SYDE1: variants seen among roughly 807,000 people sequenced by gnomAD.
SYDE1 encodes rho GTPase-activating protein SYDE1.
A neutral mutation model predicts 63.3 loss-of-function variants in SYDE1; 34 were observed. The observed-to-expected ratio is 0.54, with a 90% CI of 0.41 to 0.71. The LOEUF is 0.71. Ranked by LOEUF, SYDE1 falls within the 30% of genes least tolerant of loss-of-function variation. The pLI is 0.00. For synonymous variants in SYDE1, 467 were observed against 473.4 expected (o/e 0.99, Z 0.18); for missense variants, 925 against 1,042.5 (o/e 0.89, Z 1.55).
At position 15,113,621 on chromosome 19, in the gene SYDE1, A is replaced by T. The variant is rs780311396; in HGVS notation, c.1866A>T (p.Pro622=). ...CTTACTTGCGACCCAAACGACAGCC[A>T]CCTCTGCACCTGCCGCTGGCAGACC... ...VAPYLRPKRQ[P]PLHLPLADPE... Residue 622 remains proline (P), a synonymous_variant, in exon 8 of 8, where the codon CCA becomes CCT. Transcript: ENST00000342784. 2.5e-6 allele frequency: 4 copies of T among 1,601,802 alleles called. No individual in the cohort carries two copies. Among genetic ancestry groups the T allele is most frequent in the Non-Finnish European group, 3.4e-6 (4 of 1,173,624 alleles).
In SYDE1 at chr19:15,113,691, C is replaced by T; in HGVS notation, c.1936C>T (p.Pro646Ser). 2.5e-6 allele frequency: 4 copies of T among 1,613,412 alleles called. No individual in the cohort carries two copies. The highest frequency in any genetic ancestry group is 3.4e-6 in the Non-Finnish European group (4 of 1,179,836). ...CCGCGGTCGAGGAGGCCCCGAAAGC[C>T]CCCCGAGCAACCGCTACGCCGGCGA... Reference protein sequence around the residue: ...RPRGRGGPESPPSNRYAGDWS... With the variant: ...RPRGRGGPESSPSNRYAGDWS... The change falls in exon 8 of 8, where the codon CCC (proline) becomes TCC (serine). Residue 646 changes from proline (P) to serine (S), a missense_variant. Around this residue, in one of 3 missense-constraint regions of SYDE1, gnomAD observed 255 missense variants for 255.9 expected, o/e 1.00. Coordinates refer to ENST00000342784, the MANE Select transcript of SYDE1 (RefSeq NM_033025.6).
At chr19:15,107,821 G>A (rs902569574) in intron 1 of SYDE1, among the ~76,000 whole-genome samples, 1 of 152,080 alleles carries the variant, frequency 6.6e-6, no homozygotes, top group Non-Finnish European at 1.5e-5. Context: ...AGGGCCTGGA[G>A]GGTGGAGGGG....
Position 15,109,289 on chromosome 19 carries a change from G to C in SYDE1, c.322G>C (p.Gly108Arg). ...PGVPGTGEPA[G>R]EIWYNPIPEE... ...GGTACCTGGCACTGGGGAGCCCGCC[G>C]GCGAGATCTGGTACAACCCCATCCC... The change falls in exon 2 of 8, where the codon GGC (glycine) becomes CGC (arginine). Residue 108 changes from glycine (G) to arginine (R), a missense_variant. Gly to Arg is a moderately radical substitution (Grantham distance 125). This residue lies in a region of SYDE1 where 599 missense variants were observed against 653.7 expected (regional missense o/e 0.92). Coordinates refer to ENST00000342784, the MANE Select transcript of SYDE1 (RefSeq NM_033025.6). The surrounding 1 kb of genome is among the most constrained non-coding windows in gnomAD (Gnocchi z 5.0). 1 of 1,613,378 alleles carries C rather than the reference G, an allele frequency of 6.2e-7. No individual in the cohort carries two copies. Among genetic ancestry groups the C allele is most frequent in the South Asian group, 1.1e-5 (1 of 90,972 alleles).
intron 7 of SYDE1, among the ~76,000 whole-genome samples, chr19:15,113,092 C>T (rs1000351539): frequency 1.3e-5 from 2 of 152,152 alleles, no homozygotes; most frequent in East Asian, 3.9e-4. Flanking sequence ...TTAAGTAGAG[C>T]AGGGTTTCAC....
At position 15,113,986 on chromosome 19, in the gene SYDE1, C is replaced by T. The variant is rs200656174; in HGVS notation, c.*23C>T. ...TGAGCCAGATGACGGGGTGGGACCC[C>T]GGTTAGTAAGGACCGGGCGCCCAGT... On this transcript the variant is annotated 3_prime_UTR_variant, in exon 8 of 8. Transcript: ENST00000342784. The T allele has an allele frequency of 5.6e-6, 9 of 1,598,240 alleles. No homozygotes were observed. Among genetic ancestry groups the T allele is most frequent in the Non-Finnish European group, 7.7e-6 (9 of 1,170,520 alleles).
rs373818257 is a variant in SYDE1 at position 15,110,502 on chromosome 19, G to A, written c.1076-19G>A. The A allele has an allele frequency of 2.5e-4, 394 of 1,554,792 alleles. No individual in the cohort carries two copies. The highest frequency in any genetic ancestry group is 3.2e-4 in the Non-Finnish European group (364 of 1,152,042). Reference sequence around the variant, plus strand: ...GAAGCTTCAGAGCACACCCGGCTCAGGCCCCCTTGTGTCCTCAGGGTGCCA... The same window carrying A: ...GAAGCTTCAGAGCACACCCGGCTCAAGCCCCCTTGTGTCCTCAGGGTGCCA... On this transcript the variant is annotated intron_variant, in intron 3 of 7. Transcript: ENST00000342784. This position sits in a 1 kb window ranked among gnomAD's most constrained non-coding sequence, Gnocchi z 6.9.
Position 15,113,904 on chromosome 19 carries a change from G to A in SYDE1, c.2149G>A (p.Asp717Asn). The change falls in exon 8 of 8, where the codon GAC becomes AAC. Residue 717 changes from aspartate (D) to asparagine (N), a missense_variant. Around this residue, in one of 3 missense-constraint regions of SYDE1, gnomAD observed 255 missense variants for 255.9 expected, o/e 1.00. Coordinates refer to ENST00000342784, the MANE Select transcript of SYDE1 (RefSeq NM_033025.6). Reference sequence around the variant, plus strand: ...CCCGCACCTGAATCTCAAAGACTTCGACGCCCTCATCCTGGATCTGGAGAG... The same window carrying A: ...CCCGCACCTGAATCTCAAAGACTTCAACGCCCTCATCCTGGATCTGGAGAG... ...FNPHLNLKDF[D>N]ALILDLEREL... is the part of the protein sequence containing the mutation. 3.1e-6 allele frequency: 5 copies of A among 1,614,122 alleles called. No individual in the cohort carries two copies. Among genetic ancestry groups the A allele is most frequent in the Non-Finnish European group, 1.7e-6 (2 of 1,180,036 alleles).
At chr19:15,113,508 A>C in intron 7 of SYDE1, 52 bp from the exon 8 acceptor site, 1 of 1,501,064 alleles carries the variant, frequency 6.7e-7, no homozygotes, top group East Asian at 2.3e-5. Flanking sequence ...CTAAGCAGCC[A>C]ATCAGAGGTC....
rs1355292669 is a variant in SYDE1, at chr19:15,109,374, A to G, written c.407A>G (p.Glu136Gly). Residue 136 changes from glutamate to glycine, a missense_variant, in exon 2 of 8, where the codon GAG (glutamate) becomes GGG (glycine). Physicochemically the swap from Glu to Gly is moderately conservative, Grantham distance 98. Transcript: ENST00000342784. This position sits in a 1 kb window ranked among gnomAD's most constrained non-coding sequence, Gnocchi z 5.0. ...EPPGPQPGSA[E>G]SEGLAPQGAA... ...CCGGGGCCACAGCCTGGCTCAGCTG[A>G]GTCAGAGGGCCTGGCCCCCCAAGGT... The G allele has an allele frequency of 6.4e-7, 1 of 1,563,304 alleles. No individual in the cohort carries two copies. Among genetic ancestry groups the G allele is most frequent in the Non-Finnish European group, 8.7e-7 (1 of 1,155,508 alleles).
In SYDE1 at chr19:15,110,410, G is replaced by A. The variant is rs1599323188; in HGVS notation, c.1075+62G>A. ...CCCCCAAACCCCACCGCCACCCCCCGCAGAGTGCCTAGGGGGCTGGGCTCC... is the reference window on the plus strand; with the variant it reads ...CCCCCAAACCCCACCGCCACCCCCCACAGAGTGCCTAGGGGGCTGGGCTCC... On this transcript the variant is annotated intron_variant, in intron 3 of 7. Transcript: ENST00000342784. This position sits in a 1 kb window ranked among gnomAD's most constrained non-coding sequence, Gnocchi z 6.9. 12 of 1,451,508 alleles carry A rather than the reference G, an allele frequency of 8.3e-6. No homozygotes were observed. The highest frequency in any genetic ancestry group is 5.6e-5 in the African/African-American group (4 of 70,962). The allele number at this position is 1,451,508 out of a possible 1,614,324, so 89.9% of individuals were successfully genotyped here. A position where few individuals can be genotyped will look rare whatever the true frequency, so the allele number is the denominator to read the frequency against.
Position 15,109,065 on chromosome 19 carries a change from C to T in SYDE1, c.98C>T (p.Ala33Val), listed in dbSNP as rs1373836114. ...CCTTGCTCTCTGCCAGGCCACCCAG[C>T]CCAGCGCCCAGAGCCCAGCCCTCCA... ...KSDAKERGHP[A>V]QRPEPSPPEP... The change falls in exon 2 of 8, where the codon GCC becomes GTC. Residue 33 changes from alanine to valine, a missense_variant. This residue lies in a region of SYDE1 where 599 missense variants were observed against 653.7 expected (regional missense o/e 0.92). Transcript: ENST00000342784. The surrounding 1 kb of genome is among the most constrained non-coding windows in gnomAD (Gnocchi z 5.0). 2 of 1,498,070 alleles carry T rather than the reference C, an allele frequency of 1.3e-6. No individual in the cohort carries two copies. The highest frequency in any genetic ancestry group is 1.8e-6 in the Non-Finnish European group (2 of 1,128,044). The allele number at this position is 1,498,070 out of a possible 1,614,324, so 92.8% of individuals were successfully genotyped here. A position where few individuals can be genotyped will look rare whatever the true frequency, so the allele number is the denominator to read the frequency against.
At position 15,108,212 on chromosome 19, in the gene SYDE1, G is replaced by C. The variant is rs1340713416; in HGVS notation, c.88+691G>C. Among the ~76,000 whole-genome samples the C allele has an allele frequency of 6.6e-6, 1 of 152,178 alleles. No individual in the cohort carries two copies. The highest frequency in any genetic ancestry group is 6.5e-5 in the Admixed American group (1 of 15,282). The stretch of plus-strand genomic sequence containing the variant: ...AGCAAGTAAAAACCTTAGAGAAACA[G>C]CTGCGTGGGATAGGGGGACCCAGGA... On this transcript the variant is annotated intron_variant, in intron 1 of 7. Transcript: ENST00000342784. The surrounding 1 kb of genome is among the most constrained non-coding windows in gnomAD (Gnocchi z 4.3).
In SYDE1 at chr19:15,110,405, C is replaced by G; in HGVS notation, c.1075+57C>G. 1 of 1,450,840 alleles carries G rather than the reference C, an allele frequency of 6.9e-7. No individual in the cohort carries two copies. Among genetic ancestry groups the G allele is most frequent in the African/African-American group, 1.4e-5 (1 of 70,904 alleles). 89.9% of individuals were successfully genotyped at this position (1,450,840 alleles called of 1,614,324 possible). A position where few individuals can be genotyped will look rare whatever the true frequency, so the allele number is the denominator to read the frequency against. On this transcript the variant is annotated intron_variant, in intron 3 of 7. Transcript: ENST00000342784. This position sits in a 1 kb window ranked among gnomAD's most constrained non-coding sequence, Gnocchi z 6.9. Reference sequence around the variant, plus strand: ...AGGGACCCCCAAACCCCACCGCCACCCCCCGCAGAGTGCCTAGGGGGCTGG... The same window carrying G: ...AGGGACCCCCAAACCCCACCGCCACGCCCCGCAGAGTGCCTAGGGGGCTGG...
chr19:15,109,752 CG>C lies in SYDE1; in HGVS notation c.482del (p.Gly161AlafsTer8). On this transcript the variant is annotated frameshift_variant, in exon 3 of 8. Transcript: ENST00000342784. LOFTEE classifies it high-confidence loss of function. The surrounding 1 kb of genome is among the most constrained non-coding windows in gnomAD (Gnocchi z 5.0). Reference protein sequence around the residue: ...PPTKASRTKSPGPARRLSIKM... With the variant: ...PPTKASRTKSXGPARRLSIKM... ...ACCAAAGCCTCCCGCACCAAGTCCC[CG>C]GGCCCCGCCAGGCGCCTCTCCATAA... 2 of 1,535,406 alleles carry C rather than the reference CG, an allele frequency of 1.3e-6. No individual in the cohort carries two copies. Among genetic ancestry groups the C allele is most frequent in the South Asian group, 1.2e-5 (1 of 83,474 alleles).
rs1416946425 is a variant in SYDE1, at chr19:15,109,136, G to A, written c.169G>A (p.Gly57Arg). 6.4e-7 allele frequency: 1 copy of A among 1,550,822 alleles called. No homozygotes were observed. The highest frequency in any genetic ancestry group is 8.7e-7 in the Non-Finnish European group (1 of 1,146,894). The change falls in exon 2 of 8, where the codon GGG becomes AGG. Residue 57 changes from glycine (G) to arginine (R), a missense_variant. Gly to Arg is a moderately radical substitution (Grantham distance 125). This residue lies in a region of SYDE1 where 599 missense variants were observed against 653.7 expected (regional missense o/e 0.92). Transcript: ENST00000342784. The surrounding 1 kb of genome is among the most constrained non-coding windows in gnomAD (Gnocchi z 5.0). ...CGAAGGGTCCCAGGCCGGAGCAGAGGGGCCCTCCAGCCCCGAGGCATCAAG... is the reference window on the plus strand; with the variant it reads ...CGAAGGGTCCCAGGCCGGAGCAGAGAGGCCCTCCAGCCCCGAGGCATCAAG... ...APEGSQAGAEGPSSPEASRSP... is the reference protein window; with the variant it reads ...APEGSQAGAERPSSPEASRSP...
chr19:15,112,879 C>T (rs1047703987), intron 7 of SYDE1, among the ~76,000 whole-genome samples: 6 of 152,104 alleles, frequency 3.9e-5, no homozygotes, highest in Non-Finnish European at 8.8e-5. Flanking sequence ...CACCTTGCCC[C>T]ACAGAGCTGA....
chr19:15,112,708 A>C, intron 7 of SYDE1, 137 bp downstream of exon 7: 1 of 676,588 alleles, frequency 1.5e-6, no homozygotes, highest in East Asian at 2.8e-5. Flanking sequence ...TTGCCTCAGC[A>C]ACCAGTTCAG....
At position 15,113,833 on chromosome 19, in the gene SYDE1, C is replaced by T. The variant is rs767964712; in HGVS notation, c.2078C>T (p.Pro693Leu). Reference sequence around the variant, plus strand: ...GACGAGGACGAGGAGGTCGGCGAGCCGAGGGTCACCGGTGACTTCGAAGAC... The same window carrying T: ...GACGAGGACGAGGAGGTCGGCGAGCTGAGGGTCACCGGTGACTTCGAAGAC... ...SEDEDEEVGE[P>L]RVTGDFEDDF... Residue 693 changes from proline to leucine, a missense_variant, in exon 8 of 8, where the codon CCG (proline) becomes CTG (leucine). Transcript: ENST00000342784. 4.3e-6 allele frequency: 7 copies of T among 1,614,030 alleles called. No individual in the cohort carries two copies. The highest frequency in any genetic ancestry group is 1.7e-5 in the Admixed American group (1 of 60,014).
Position 15,110,628 on chromosome 19 carries a change from G to A in SYDE1, c.1183G>A (p.Val395Ile), listed in dbSNP as rs1351918764. ...AGCCCCTGCCACAGCTGAGCCCCGC[G>A]TCTTTGGGCTGCCCCTGCCACTGCT... ...QEAPATAEPR[V>I]FGLPLPLLVE... The change falls in exon 4 of 8, where the codon GTC becomes ATC. Residue 395 changes from valine (V) to isoleucine (I), a missense_variant. Coordinates refer to ENST00000342784, the MANE Select transcript of SYDE1 (RefSeq NM_033025.6). This position sits in a 1 kb window ranked among gnomAD's most constrained non-coding sequence, Gnocchi z 6.9. The A allele has an allele frequency of 2.5e-6, 4 of 1,590,190 alleles. No homozygotes were observed. In the South Asian group the frequency reaches 3.4e-5, roughly 14 times the overall value.
Sources: gnomAD v4.1 joint callset for allele counts (sites outside exome capture counted in the v4.1 genomes callset) on GRCh38, gnomAD v4.1.1 for gene constraint, gnomAD v4.1.1 regional missense constraint, Gnocchi (gnomAD v3.1) non-coding constraint, MANE v1.5 for transcripts, NCBI Gene and HGNC (gene_info 2026-07-23, HGNC 2026-07-21) for gene names.